CLEC9A: variants seen among roughly 807,000 people sequenced by gnomAD.
The protein encoded by CLEC9A is C-type lectin domain family 9 member A.
A neutral mutation model predicts 30.0 loss-of-function variants in CLEC9A; 24 were observed. That is an observed-to-expected ratio of 0.80 (90% CI 0.58 to 1.13). The LOEUF (loss-of-function observed/expected upper bound fraction) is 1.13. Ranked by LOEUF, CLEC9A falls within the 50% of genes most tolerant of loss-of-function variation. CLEC9A has a pLI of 0.00. For missense variants in CLEC9A, 251 were observed against 280.9 expected, an observed-to-expected ratio of 0.89 and a Z score of 0.76; for synonymous variants, 111 against 96.8, an observed-to-expected ratio of 1.15 and a Z score of -0.86.
At chr12:10,032,669 G>T (rs539195456) in intron 1 of CLEC9A, among the ~76,000 whole-genome samples, 13 of 152,046 alleles carry the variant, frequency 8.6e-5, no homozygotes, top group Non-Finnish European at 1.8e-4. Flanking sequence ...GGGATTACAG[G>T]TGTGAGCCAC....
intron 2 of CLEC9A, among the ~76,000 whole-genome samples, chr12:10,047,336 A>T (rs953064080): frequency 2.6e-5 from 4 of 152,256 alleles, no homozygotes; most frequent in Non-Finnish European, 5.9e-5. Flanking sequence ...TATGGCACAC[A>T]TAAATTTAGA....
chr12:10,032,273 C>T (rs1448024927), intron 1 of CLEC9A, among the ~76,000 whole-genome samples: 2 of 152,134 alleles, frequency 1.3e-5, no homozygotes, highest in Non-Finnish European at 2.9e-5. Flanking sequence ...GGCAAAGACG[C>T]CACAGCCACA....
chr12:10,059,002 C>T (rs1312647861), intron 5 of CLEC9A, among the ~76,000 whole-genome samples: 2 of 152,106 alleles, frequency 1.3e-5, no homozygotes, highest in African/African-American at 2.4e-5. Flanking sequence ...CTGGCTGACA[C>T]GCATAGGTGT....
intron 2 of CLEC9A, among the ~76,000 whole-genome samples, chr12:10,046,844 C>T (rs1278208213): frequency 6.6e-6 from 1 of 152,156 alleles, no homozygotes; most frequent in Non-Finnish European, 1.5e-5. Flanking sequence ...AGAACTTACT[C>T]TCTGTATGGC....
At chr12:10,031,877 T>C (rs1865700229) in intron 1 of CLEC9A, among the ~76,000 whole-genome samples, 1 of 151,990 alleles carries the variant, frequency 6.6e-6, no homozygotes, top group South Asian at 2.1e-4. Context: ...TGGGAAGGAT[T>C]GGCAGGGTTA....
At chr12:10,043,915 A>G (rs1865821646) in intron 2 of CLEC9A, among the ~76,000 whole-genome samples, 1 of 151,958 alleles carries the variant, frequency 6.6e-6, no homozygotes, top group African/African-American at 2.4e-5. Flanking sequence ...TCCTGACCTC[A>G]TGATCCGCCT....
At chr12:10,046,308 A>C (rs957827992) in intron 2 of CLEC9A, among the ~76,000 whole-genome samples, 3 of 152,234 alleles carry the variant, frequency 2.0e-5, no homozygotes, top group Non-Finnish European at 4.4e-5. Context: ...GCTTACAGGA[A>C]ACAGAGAGAC....
At chr12:10,038,480 G>A (rs993428076) in intron 1 of CLEC9A, among the ~76,000 whole-genome samples, 2 of 152,138 alleles carry the variant, frequency 1.3e-5, no homozygotes, top group African/African-American at 2.4e-5. Context: ...AACCCACATA[G>A]TTACTATATT....
intron 1 of CLEC9A, among the ~76,000 whole-genome samples, chr12:10,037,691 T>G (rs1463967615): frequency 6.6e-6 from 1 of 152,168 alleles, no homozygotes; most frequent in Non-Finnish European, 1.5e-5. Context: ...GGAAGCAATT[T>G]TTTTTCTCAA....
chr12:10,061,030 A>T (rs1865991856), intron 5 of CLEC9A, 97 bp from the exon 6 acceptor site: 3 of 1,373,052 alleles, frequency 2.2e-6, no homozygotes, highest in Middle Eastern at 1.8e-4. Flanking sequence ...AAGTCTCAAA[A>T]ATAATAGTAA....
Position 10,048,158 on chromosome 12 carries a change from G to A in CLEC9A, c.-162-3833G>A, listed in dbSNP as rs368166245. Among the ~76,000 whole-genome samples, 69 of 150,860 alleles carry A rather than the reference G, an allele frequency of 4.6e-4. 1 individual carries two copies. The highest frequency in any genetic ancestry group is 1.6e-3 in the African/African-American group (64 of 41,180). On this transcript the variant is annotated intron_variant, in intron 2 of 8. Transcript: ENST00000355819. ...TGAGGCAGGAGAATGGCGTGAACCC[G>A]GGAAGCGGAGCTTGCAGTGAGCCGA...
chr12:10,049,281 G>A (rs992591158), intron 2 of CLEC9A, among the ~76,000 whole-genome samples: 8 of 152,106 alleles, frequency 5.3e-5, no homozygotes, highest in Non-Finnish European at 1.2e-4. Context: ...GGTATATTTA[G>A]GATAATTCTT....
chr12:10,040,250 T>C lies in CLEC9A; in HGVS notation c.-317-1216T>C, dbSNP rs180874033. Among the ~76,000 whole-genome samples, 690 of 152,336 alleles carry C rather than the reference T, an allele frequency of 4.5e-3. 9 individuals carry two copies. Among genetic ancestry groups the C allele is most frequent in the Non-Finnish European group, 6.3e-3 (427 of 68,034 alleles). On this transcript the variant is annotated intron_variant, in intron 1 of 8. Transcript: ENST00000355819. ...TCTGAACTCAGCTGAGAATCCTGTA[T>C]TCAAGAAAATGTCAACAACCACTTT...
chr12:10,041,635 A>G lies in CLEC9A; in HGVS notation c.-163+15A>G, dbSNP rs1017270072. 1 of 529,284 alleles carries G rather than the reference A, an allele frequency of 1.9e-6. No individual in the cohort carries two copies. Among genetic ancestry groups the G allele is most frequent in the Non-Finnish European group, 3.8e-6 (1 of 262,060 alleles). The allele number at this position is 529,284 out of a possible 1,614,324, so 32.8% of individuals were successfully genotyped here. A position where few individuals can be genotyped will look rare whatever the true frequency, so the allele number is the denominator to read the frequency against. ...AGAACATTCTGGTAAGAAGATTCTT[A>G]TGTCAAATATTTTGGAGGCAAGGGA... is the stretch of plus-strand genomic sequence containing the variant. On this transcript the variant is annotated intron_variant, in intron 2 of 8. Transcript: ENST00000355819.
chr12:10,051,649 C>G (rs1221026207), intron 2 of CLEC9A, among the ~76,000 whole-genome samples: 1 of 152,128 alleles, frequency 6.6e-6, no homozygotes, highest in Non-Finnish European at 1.5e-5. Flanking sequence ...CAAAAGTAAA[C>G]AGTGTAATTT....
intron 5 of CLEC9A, 100 bp downstream of exon 5, chr12:10,054,451 A>ATG: frequency 2.7e-6 from 2 of 734,458 alleles, no homozygotes; most frequent in Non-Finnish European, 4.3e-6. Flanking sequence ...GAATGCACAT[A>ATG]AATGATATAA....
At chr12:10,038,489 T>C (rs1183238085) in intron 1 of CLEC9A, among the ~76,000 whole-genome samples, 1 of 152,242 alleles carries the variant, frequency 6.6e-6, no homozygotes, top group Non-Finnish European at 1.5e-5. Context: ...AGTTACTATA[T>C]TGAGAAGTCT....
chr12:10,034,379 A>G (rs192657475), intron 1 of CLEC9A, among the ~76,000 whole-genome samples: 7 of 152,366 alleles, frequency 4.6e-5, no homozygotes, highest in South Asian at 2.1e-4. Context: ...ACCAATTCTC[A>G]TGAGCCCAAC....
At chr12:10,037,814 A>C (rs1046751213) in intron 1 of CLEC9A, among the ~76,000 whole-genome samples, 1 of 152,218 alleles carries the variant, frequency 6.6e-6, no homozygotes, top group East Asian at 1.9e-4. Flanking sequence ...GGGTTAAAGG[A>C]CAAAAATTTT....
Sources: allele counts gnomAD v4.1 joint callset (sites outside exome capture counted in the v4.1 genomes callset), GRCh38; gene constraint gnomAD v4.1.1; transcripts MANE v1.5; gene names NCBI Gene and HGNC (gene_info 2026-07-23, HGNC 2026-07-21).